The following RNF220 variants were observed in gnomAD, a reference collection of about 807,000 sequenced individuals.
The protein encoded by RNF220 is ring finger protein 220, also known as E3 ubiquitin-protein ligase RNF220.
RNF220 carries 7 observed loss-of-function variants against 67.1 expected under a neutral mutation model. The observed-to-expected ratio is 0.10, with a 90% CI of 0.06 to 0.20. The LOEUF (loss-of-function observed/expected upper bound fraction) is 0.20. Among genes scored for constraint, RNF220 ranks in the 10% least tolerant of loss-of-function variants. The pLI, the probability that RNF220 is intolerant of heterozygous loss-of-function variation, is 1.00. For synonymous variants in RNF220, 270 were observed against 283.2 expected, an observed-to-expected ratio of 0.95 and a Z score of 0.47; for missense variants, 565 against 740.3, an observed-to-expected ratio of 0.76 and a Z score of 2.75.
rs545416795 is a variant in RNF220 at position 44,600,764 on chromosome 1, T to A, written c.626-13401T>A. On this transcript the variant is annotated intron_variant, in intron 2 of 14. Coordinates refer to ENST00000361799, the MANE Select transcript of RNF220 (RefSeq NM_018150.4). This position sits in a 1 kb window ranked among gnomAD's most constrained non-coding sequence, Gnocchi z 4.0. ...TGAACCCGGGAGGCAGAGGTTGCAG[T>A]GAGCTGAGATAGCGCCATTGCACTC... Among the ~76,000 whole-genome samples the A allele has an allele frequency of 2.6e-5, 4 of 151,658 alleles. No homozygotes were observed. Among genetic ancestry groups the A allele is most frequent in the African/African-American group, 9.7e-5 (4 of 41,294 alleles).
intron 2 of RNF220, among the ~76,000 whole-genome samples, chr1:44,425,172 T>A (rs1043843058): frequency 3.3e-5 from 5 of 152,162 alleles, no homozygotes; most frequent in African/African-American, 1.2e-4. Context: ...TCTGAGAGGT[T>A]CAGGGGGTTT....
intron 2 of RNF220, among the ~76,000 whole-genome samples, chr1:44,496,208 A>C (rs796574383): frequency 1.8e-4 from 28 of 152,134 alleles, no homozygotes; most frequent in African/African-American, 6.7e-4. Context: ...TTTGAAGGGG[A>C]GAATGAGCTC....
intron 2 of RNF220, among the ~76,000 whole-genome samples, chr1:44,491,434 G>A (rs148722663): frequency 6.6e-6 from 1 of 152,198 alleles, no homozygotes; most frequent in East Asian, 1.9e-4. Flanking sequence ...TGCAAAGTTG[G>A]TGTAAGATAC....
intron 2 of RNF220, among the ~76,000 whole-genome samples, chr1:44,595,342 C>A (rs766568977): frequency 1.3e-5 from 2 of 152,198 alleles, no homozygotes; most frequent in Admixed American, 1.3e-4. Flanking sequence ...ACCTAGGCCA[C>A]CCCCTCCAGG....
At chr1:44,510,545 C>T (rs1658901926) in intron 2 of RNF220, among the ~76,000 whole-genome samples, 1 of 152,198 alleles carries the variant, frequency 6.6e-6, no homozygotes, top group Admixed American at 6.5e-5. Flanking sequence ...ACATTAACAT[C>T]ACCCTCCCTG....
chr1:44,618,141 C>G (rs1643639428), intron 3 of RNF220, among the ~76,000 whole-genome samples: 1 of 152,220 alleles, frequency 6.6e-6, no homozygotes, highest in Non-Finnish European at 1.5e-5. Context: ...CTCCCTTTGC[C>G]CAACAGCACA....
At chr1:44,439,487 G>A (rs1222013290) in intron 2 of RNF220, among the ~76,000 whole-genome samples, 1 of 150,666 alleles carries the variant, frequency 6.6e-6, no homozygotes, top group Non-Finnish European at 1.5e-5. Flanking sequence ...CATTTGTCTT[G>A]GTACTTTAGG....
chr1:44,492,779 G>A (rs1277418972), intron 2 of RNF220, among the ~76,000 whole-genome samples: 3 of 152,132 alleles, frequency 2.0e-5, no homozygotes, highest in Non-Finnish European at 4.4e-5. Flanking sequence ...AGGATTGGGG[G>A]TGACTGTTTA....
Position 44,412,312 on chromosome 1 carries a change from T to C in RNF220, c.215T>C (p.Met72Thr). The C allele has an allele frequency of 6.2e-7, 1 of 1,614,204 alleles. No homozygotes were observed. The highest frequency in any genetic ancestry group is 1.7e-4 in the Middle Eastern group (1 of 6,060). The change falls in exon 2 of 15, where the codon ATG becomes ACG. Residue 72 changes from methionine (M) to threonine (T), a missense_variant. Physicochemically the swap from Met to Thr is moderately conservative, Grantham distance 81. Transcript: ENST00000361799. The surrounding 1 kb of genome is among the most constrained non-coding windows in gnomAD (Gnocchi z 5.3). ...FTNGSYTFAS[M>T]YHRQGGVPGT... ...AACGGTTCCTATACCTTTGCCTCTA[T>C]GTACCATCGGCAAGGTGGGGTGCCA...
intron 2 of RNF220, among the ~76,000 whole-genome samples, chr1:44,488,106 G>A (rs1410243220): frequency 6.7e-6 from 1 of 149,438 alleles, no homozygotes; most frequent in Non-Finnish European, 1.5e-5. Context: ...GAGTAGCTGG[G>A]ATTACAGGCA....
At chr1:44,631,914 C>T (rs1644140254) in intron 5 of RNF220, 2 of 987,144 alleles carry the variant, frequency 2.0e-6, no homozygotes, top group Non-Finnish European at 1.2e-6. Flanking sequence ...CGGCCGCCCC[C>T]GCCGCATTGT....
intron 2 of RNF220, among the ~76,000 whole-genome samples, chr1:44,435,511 T>C (rs1650872609): frequency 6.6e-6 from 1 of 152,212 alleles, no homozygotes; most frequent in African/African-American, 2.4e-5. Context: ...ATTACAGCCA[T>C]GGGGAACAAG....
In RNF220 at chr1:44,617,128, C is replaced by T. The variant is rs181236573; in HGVS notation, c.758+2831C>T. 9.1e-3 allele frequency among the ~76,000 whole-genome samples: 1,382 copies of T among 152,350 alleles called. 18 individuals carry two copies. The highest frequency in any genetic ancestry group is 0.031 in the African/African-American group (1,272 of 41,576). Reference sequence around the variant, plus strand: ...CCCCTCCGTCTGTGCGCGCCCTGCGCCCCCGGCACGCGCCCCCCTCCAACC... The same window carrying T: ...CCCCTCCGTCTGTGCGCGCCCTGCGTCCCCGGCACGCGCCCCCCTCCAACC... On this transcript the variant is annotated intron_variant, in intron 3 of 14. Transcript: ENST00000361799.
At chr1:44,452,127 T>G (rs1652748520) in intron 2 of RNF220, among the ~76,000 whole-genome samples, 1 of 152,272 alleles carries the variant, frequency 6.6e-6, no homozygotes, top group Non-Finnish European at 1.5e-5. Context: ...TTCCTACTGA[T>G]TTAAAATGCC....
chr1:44,602,823 A>G (rs1573009401), intron 2 of RNF220, among the ~76,000 whole-genome samples: 1 of 151,938 alleles, frequency 6.6e-6, no homozygotes, highest in South Asian at 2.1e-4. Flanking sequence ...CTGCTTGGCT[A>G]ATGGGCTATT....
intron 2 of RNF220, among the ~76,000 whole-genome samples, chr1:44,518,441 A>G (rs961779218): frequency 3.3e-5 from 5 of 152,068 alleles, no homozygotes; most frequent in Non-Finnish European, 5.9e-5. Flanking sequence ...AAAATATGCA[A>G]ATAAACCCAC....
chr1:44,640,143 A>G (rs1052873426), intron 8 of RNF220, among the ~76,000 whole-genome samples: 1 of 152,236 alleles, frequency 6.6e-6, no homozygotes, highest in Non-Finnish European at 1.5e-5. Context: ...CGCCAGAAGT[A>G]TGGGGCAAGG....
At chr1:44,634,252 A>G (rs1377929170) in intron 6 of RNF220, among the ~76,000 whole-genome samples, 1 of 152,188 alleles carries the variant, frequency 6.6e-6, no homozygotes. Context: ...TTGTGAAGTC[A>G]GTTCTGGTTT....
chr1:44,571,797 A>G (rs1473946498), intron 2 of RNF220, among the ~76,000 whole-genome samples: 4 of 152,224 alleles, frequency 2.6e-5, no homozygotes, highest in African/African-American at 9.6e-5. Context: ...AAAATGGAAC[A>G]TACCATTTTT....
Sources: gnomAD v4.1 joint callset for allele counts (sites outside exome capture counted in the v4.1 genomes callset) on GRCh38, gnomAD v4.1.1 for gene constraint, Gnocchi (gnomAD v3.1) non-coding constraint, MANE v1.5 for transcripts, NCBI Gene and HGNC (gene_info 2026-07-23, HGNC 2026-07-21) for gene names.